PCDH9: variants seen among roughly 807,000 people sequenced by gnomAD.
PCDH9 encodes the protein protocadherin-9.
A neutral mutation model predicts 70.6 loss-of-function variants in PCDH9; 24 were observed. That is an observed-to-expected ratio of 0.34 (90% CI 0.25 to 0.48). The LOEUF (loss-of-function observed/expected upper bound fraction) is 0.48, where lower values mean the gene tolerates loss of function less well. Among genes scored for constraint, PCDH9 ranks in the 20% least tolerant of loss-of-function variants. The pLI, the probability that PCDH9 is intolerant of heterozygous loss-of-function variation, is 0.99. For synonymous variants in PCDH9, 562 were observed against 558.5 expected (o/e 1.01, Z -0.09); for missense variants, 1,281 against 1,503.6 (o/e 0.85, Z 2.45).
At chr13:66,921,830 C>T (rs1416392022) in intron 2 of PCDH9, among the ~76,000 whole-genome samples, 1 of 151,272 alleles carries the variant, frequency 6.6e-6, no homozygotes, top group Non-Finnish European at 1.5e-5. Flanking sequence ...ATATACAAAA[C>T]GATTCTAAGA....
intron 3 of PCDH9, among the ~76,000 whole-genome samples, chr13:66,664,927 A>G (rs1429132095): frequency 6.6e-6 from 1 of 152,130 alleles, no homozygotes; most frequent in Non-Finnish European, 1.5e-5. Context: ...TAAGGCATAG[A>G]TAAAACAGAC....
At chr13:67,220,193 G>C (rs775791858) in intron 2 of PCDH9, 1 of 151,790 alleles carries the variant, frequency 6.6e-6, no homozygotes, top group African/African-American at 2.4e-5. Flanking sequence ...AACAAAAATT[G>C]TTGTGGAAAT....
chr13:66,447,888 A>G (rs1238221222), intron 4 of PCDH9, among the ~76,000 whole-genome samples: 1 of 152,132 alleles, frequency 6.6e-6, no homozygotes, highest in Admixed American at 6.6e-5. Context: ...TCAAGTAGTG[A>G]AAAAATATGA....
chr13:66,479,860 C>A (rs970561251), intron 4 of PCDH9, among the ~76,000 whole-genome samples: 4 of 152,190 alleles, frequency 2.6e-5, no homozygotes, highest in African/African-American at 9.7e-5. Flanking sequence ...ATAGACCAAT[C>A]AGCAGGACGT....
At chr13:67,193,332 AACAC>A (rs71110637) in intron 2 of PCDH9, among the ~76,000 whole-genome samples, 55,997 of 141,816 alleles carry the variant, frequency 0.39, 10,633 homozygotes, top group Middle Eastern at 0.5. Context: ...TGGAGATTAA[AACAC>A]ACACACACAC....
intron 2 of PCDH9, chr13:67,213,239 GAAA>G (rs67729730): frequency 2.7e-5 from 2 of 73,440 alleles, no homozygotes; most frequent in Non-Finnish European, 4.9e-5. Context: ...AAAAAAAAAA[GAAA>G]AAAAAAAGCT....
At chr13:66,388,973 AATT>A (rs999272242) in intron 4 of PCDH9, among the ~76,000 whole-genome samples, 1 of 152,190 alleles carries the variant, frequency 6.6e-6, no homozygotes, top group Non-Finnish European at 1.5e-5. Flanking sequence ...TTTCAAAATA[AATT>A]ATTATGCAAC....
chr13:67,167,557 G>T (rs2088154053), intron 2 of PCDH9, among the ~76,000 whole-genome samples: 1 of 152,092 alleles, frequency 6.6e-6, no homozygotes, highest in South Asian at 2.1e-4. Context: ...TAACTCATTT[G>T]CTTTAAGTCA....
chr13:66,379,769 G>C (rs1298719181), intron 4 of PCDH9, among the ~76,000 whole-genome samples: 3 of 152,080 alleles, frequency 2.0e-5, no homozygotes, highest in Non-Finnish European at 4.4e-5. Flanking sequence ...AAAATACTGT[G>C]TCTGAATTAT....
intron 4 of PCDH9, among the ~76,000 whole-genome samples, chr13:66,553,417 G>C (rs1174294895): frequency 2.6e-5 from 4 of 152,130 alleles, no homozygotes; most frequent in Non-Finnish European, 5.9e-5. Context: ...TACTGATACA[G>C]GTCCGTGACT....
At chr13:66,482,437 T>G (rs1200503992) in intron 4 of PCDH9, among the ~76,000 whole-genome samples, 2 of 152,192 alleles carry the variant, frequency 1.3e-5, no homozygotes, top group Non-Finnish European at 2.9e-5. Context: ...AGACTTCTCA[T>G]GTTGCTCTAA....
Position 66,691,761 on chromosome 13 carries a change from A to G in PCDH9, c.3139-60350T>C, listed in dbSNP as rs372116920. Among the ~76,000 whole-genome samples the G allele has an allele frequency of 4.5e-4, 68 of 152,312 alleles. 1 individual carries two copies. In the South Asian group the frequency reaches 0.013, roughly 29 times the overall value. On this transcript the variant is annotated intron_variant, in intron 3 of 4. Transcript: ENST00000377865. Reference sequence around the variant, plus strand: ...GAACAAGATAAAGAATACATGCCTTATATTTGTAAAACTGTATTGAATACC... The same window carrying G: ...GAACAAGATAAAGAATACATGCCTTGTATTTGTAAAACTGTATTGAATACC...
intron 2 of PCDH9, chr13:67,214,891 G>T (rs2089553504): frequency 7.6e-6 from 1 of 131,116 alleles, no homozygotes; most frequent in Non-Finnish European, 1.6e-5. Context: ...ACAGGAGGTA[G>T]AAAAACAGGT....
chr13:66,929,295 AT>A (rs995482291), intron 2 of PCDH9, among the ~76,000 whole-genome samples: 10 of 148,528 alleles, frequency 6.7e-5, no homozygotes, highest in East Asian at 3.9e-4. Flanking sequence ...TTGTGACATT[AT>A]TTTTTTATTT....
rs77235497 is a variant in PCDH9, at chr13:66,529,943, C to A, written c.3340+101267G>T. Among the ~76,000 whole-genome samples the A allele has an allele frequency of 2.8e-4, 43 of 151,452 alleles. 1 individual carries two copies. The East Asian group carries it at 7.8e-3, about 27-fold the overall frequency. ...TATTTTTTTCTAGGAATTTAATGATCCACAACTTTTATGATGAATTATAAT... is the reference window on the plus strand; with the variant it reads ...TATTTTTTTCTAGGAATTTAATGATACACAACTTTTATGATGAATTATAAT... On this transcript the variant is annotated intron_variant, in intron 4 of 4. Transcript: ENST00000377865.
chr13:66,743,348 G>A (rs1318536447), intron 3 of PCDH9, among the ~76,000 whole-genome samples: 132 of 121,450 alleles, frequency 1.1e-3, no homozygotes, highest in African/African-American at 3.8e-3. Flanking sequence ...CTGTGGTGGG[G>A]TGGGGGGAGG....
At chr13:66,774,778 C>T (rs1998490) in intron 3 of PCDH9, among the ~76,000 whole-genome samples, 59,335 of 151,686 alleles carry the variant, frequency 0.39, 11,798 homozygotes, top group East Asian at 0.57. Context: ...TTCTATTGTG[C>T]ATAATTACAA....
intron 4 of PCDH9, among the ~76,000 whole-genome samples, chr13:66,319,652 C>T (rs1443330767): frequency 6.6e-6 from 1 of 151,854 alleles, no homozygotes; most frequent in Non-Finnish European, 1.5e-5. Context: ...TACCCCTAGG[C>T]CTGAAGGGGC....
At chr13:66,765,178 T>G (rs1213403948) in intron 3 of PCDH9, among the ~76,000 whole-genome samples, 1 of 151,782 alleles carries the variant, frequency 6.6e-6, no homozygotes, top group East Asian at 1.9e-4. Flanking sequence ...CTGGCAGATC[T>G]AATCGAATCC....
Sources: allele counts gnomAD v4.1 joint callset (sites outside exome capture counted in the v4.1 genomes callset), GRCh38; gene constraint gnomAD v4.1.1; transcripts MANE v1.5; gene names NCBI Gene and HGNC (gene_info 2026-07-23, HGNC 2026-07-21).